KAZN: variants seen among roughly 807,000 people sequenced by gnomAD.
The protein encoded by KAZN is kazrin, periplakin interacting protein.
Under a neutral mutation model 87.4 loss-of-function variants are expected in KAZN, and 40 were observed. That is an observed-to-expected ratio of 0.46 (90% CI 0.36 to 0.60). KAZN has a LOEUF of 0.60. KAZN is among the 20% of genes least tolerant of loss of function. KAZN has a pLI of 0.00. For synonymous variants in KAZN, 466 were observed against 458.3 expected (o/e 1.02, Z -0.22); for missense variants, 898 against 1,073.9 (o/e 0.84, Z 2.29).
chr1:15,051,336 C>T (rs147656739), intron 4 of KAZN, among the ~76,000 whole-genome samples: 2 of 152,222 alleles, frequency 1.3e-5, no homozygotes, highest in East Asian at 3.9e-4. Flanking sequence ...TTGGCCCCAG[C>T]CAAAAGGCAG....
chr1:14,787,012 T>A (rs542582533), intron 1 of KAZN, among the ~76,000 whole-genome samples: 1 of 152,190 alleles, frequency 6.6e-6, no homozygotes. Context: ...ACCAAACATC[T>A]TTAGACTTAG....
At chr1:13,901,987 G>A (rs1639267963) in intron 1 of KAZN, among the ~76,000 whole-genome samples, 1 of 152,264 alleles carries the variant, frequency 6.6e-6, no homozygotes, top group African/African-American at 2.4e-5. Flanking sequence ...AGGCTCTGAG[G>A]CATTTCAGTT....
chr1:15,058,935 T>A (rs1177624803), intron 5 of KAZN, among the ~76,000 whole-genome samples: 1 of 151,726 alleles, frequency 6.6e-6, no homozygotes, highest in Admixed American at 6.6e-5. Flanking sequence ...GGCAGGAGAA[T>A]CACTTGAACC....
intron 2 of KAZN, among the ~76,000 whole-genome samples, chr1:14,580,405 G>A (rs1422621668): frequency 6.6e-6 from 1 of 152,184 alleles, no homozygotes; most frequent in Non-Finnish European, 1.5e-5. Context: ...AACCCAGGAA[G>A]AGGAAGTTGC....
intron 4 of KAZN, among the ~76,000 whole-genome samples, chr1:15,048,737 G>A (rs984135748): frequency 4.7e-5 from 7 of 147,828 alleles, no homozygotes; most frequent in South Asian, 2.3e-4. Context: ...GTCATGGGTC[G>A]TCGATCCTGG....
chr1:15,062,789 C>G (rs1428445885), intron 6 of KAZN: 1 of 152,172 alleles, frequency 6.6e-6, no homozygotes. Flanking sequence ...TAAGGGTTCC[C>G]TCCACACCCA....
chr1:14,705,301 C>A, intron 1 of KAZN, among the ~76,000 whole-genome samples: 1 of 152,132 alleles, frequency 6.6e-6, no homozygotes, highest in Non-Finnish European at 1.5e-5. Flanking sequence ...GGCCTTATGT[C>A]CAAGAGAGAA....
chr1:14,559,672 A>G (rs1027853822), intron 2 of KAZN, among the ~76,000 whole-genome samples: 1 of 152,178 alleles, frequency 6.6e-6, no homozygotes, highest in Non-Finnish European at 1.5e-5. Context: ...CAGAAAGCAC[A>G]TTTGTAGACT....
At chr1:15,074,745 C>T (rs1639664624) in intron 8 of KAZN, among the ~76,000 whole-genome samples, 1 of 152,202 alleles carries the variant, frequency 6.6e-6, no homozygotes, top group African/African-American at 2.4e-5. Context: ...CCCTGGGTTT[C>T]AACCTCAGTC....
intron 1 of KAZN, among the ~76,000 whole-genome samples, chr1:14,835,481 C>T (rs75385087): frequency 0.031 from 4,671 of 152,132 alleles, 86 homozygotes; most frequent in Middle Eastern, 0.054. Context: ...GATTGGAACA[C>T]GGGATCAACC....
intron 2 of KAZN, among the ~76,000 whole-genome samples, chr1:14,216,151 A>G (rs1353567331): frequency 6.6e-6 from 1 of 152,162 alleles, no homozygotes; most frequent in Non-Finnish European, 1.5e-5. Flanking sequence ...TAATAGCAAC[A>G]AGGGCCCACA....
chr1:14,355,404 T>TTATC (rs1181002960), intron 2 of KAZN, among the ~76,000 whole-genome samples: 5 of 19,632 alleles, frequency 2.5e-4, no homozygotes, highest in Non-Finnish European at 6.1e-4. Flanking sequence ...ATCTACATAT[T>TTATC]TATTTATTTA....
intron 2 of KAZN, among the ~76,000 whole-genome samples, chr1:14,308,315 TTATA>T (rs779502634): frequency 8.5e-4 from 130 of 152,314 alleles, no homozygotes; most frequent in Non-Finnish European, 3.5e-4. Context: ...ACTATTGAGA[TTATA>T]TAGGAGAATA....
chr1:14,021,953 C>CAT (rs569460248), intron 1 of KAZN, among the ~76,000 whole-genome samples: 5 of 114,278 alleles, frequency 4.4e-5, no homozygotes, highest in Admixed American at 1.1e-4. Context: ...AATGAACATG[C>CAT]TTTTTTTTTT....
intron 1 of KAZN, among the ~76,000 whole-genome samples, chr1:14,608,577 C>A (rs1005275918): frequency 3.9e-5 from 6 of 152,310 alleles, no homozygotes; most frequent in Admixed American, 3.9e-4. Flanking sequence ...TTGGACACTG[C>A]AGAGAACAGC....
intron 8 of KAZN, among the ~76,000 whole-genome samples, chr1:15,080,138 C>T (rs1214654998): frequency 6.6e-6 from 1 of 152,070 alleles, no homozygotes; most frequent in East Asian, 1.9e-4. Context: ...AGGATGTCCT[C>T]CGAGGTTGGG....
chr1:13,896,120 A>T (rs779014399), intron 1 of KAZN, among the ~76,000 whole-genome samples: 5 of 150,504 alleles, frequency 3.3e-5, no homozygotes, highest in Non-Finnish European at 7.4e-5. Context: ...GCCTCCTGCT[A>T]CCTATGCTGG....
chr1:14,490,137 C>T (rs981478931), intron 2 of KAZN, among the ~76,000 whole-genome samples: 4 of 152,176 alleles, frequency 2.6e-5, no homozygotes, highest in Admixed American at 6.5e-5. Context: ...AGTGACTTGC[C>T]TTGTTAATTT....
intron 1 of KAZN, chr1:14,930,186 TC>T: frequency 1.7e-6 from 1 of 585,968 alleles, no homozygotes. Flanking sequence ...GGAAACACCC[TC>T]CACCTGGCAC....
Sources: gnomAD v4.1 joint callset for allele counts (sites outside exome capture counted in the v4.1 genomes callset) on GRCh38, gnomAD v4.1.1 for gene constraint, MANE v1.5 for transcripts, NCBI Gene and HGNC (gene_info 2026-07-23, HGNC 2026-07-21) for gene names.